PDE12: variants seen among roughly 807,000 people sequenced by gnomAD.
The protein encoded by PDE12 is 2',5'-phosphodiesterase 12.
PDE12 carries 26 observed loss-of-function variants against 45.4 expected under a neutral mutation model. The ratio of observed to expected loss-of-function variants is 0.57; its 90% CI spans 0.42 to 0.79. The LOEUF (loss-of-function observed/expected upper bound fraction) is 0.79, where lower values mean the gene tolerates loss of function less well. PDE12 is among the 30% of genes least tolerant of loss of function. The probability of loss-of-function intolerance (pLI) is 0.00; values close to 1 mark genes in which losing one functional copy is unlikely to be tolerated. For missense variants in PDE12, 668 were observed against 790.0 expected, an observed-to-expected ratio of 0.85 and a Z score of 1.85; for synonymous variants, 283 against 323.9, an observed-to-expected ratio of 0.87 and a Z score of 1.36.
the PDE12 span, among the ~76,000 whole-genome samples, chr3:57,644,937 G>A: frequency 3.3e-5 from 5 of 151,894 alleles, no homozygotes; most frequent in South Asian, 2.1e-4. Flanking sequence ...AAGTCAATCC[G>A]CAGTTGACTA....
the PDE12 span, among the ~76,000 whole-genome samples, chr3:57,635,753 T>C: frequency 6.6e-6 from 1 of 152,180 alleles, no homozygotes; most frequent in Non-Finnish European, 1.5e-5. Context: ...AAAACAGCTA[T>C]TTCTATAAAC....
At chr3:57,621,407 C>T in the PDE12 span, among the ~76,000 whole-genome samples, 6 of 152,222 alleles carry the variant, frequency 3.9e-5, no homozygotes, top group African/African-American at 1.2e-4. Context: ...CGTTGGCTAA[C>T]GCCTGTAATC....
At chr3:57,602,048 C>A in the PDE12 span, among the ~76,000 whole-genome samples, 2 of 152,070 alleles carry the variant, frequency 1.3e-5, no homozygotes, top group South Asian at 4.1e-4. Context: ...AGCCACCATG[C>A]ATGGCCTGCC....
At position 57,559,981 on chromosome 3, in the gene PDE12, G is replaced by C. The variant is rs768463857; in HGVS notation, c.1807G>C (p.Val603Leu). The C allele has an allele frequency of 8.7e-6, 14 of 1,606,310 alleles. No individual in the cohort carries two copies. Among genetic ancestry groups the C allele is most frequent in the Non-Finnish European group, 8.5e-6 (10 of 1,177,388 alleles). ...CCATCCCTCTGATCACATAGCACTT[G>C]TATGTGATTTAAAATGGAAATAGAT... is the stretch of plus-strand genomic sequence containing the variant. Reference protein sequence around the residue: ...VSHPSDHIALVCDLKWK With the variant: ...VSHPSDHIALLCDLKWK The change falls in exon 3 of 3, where the codon GTA becomes CTA. Residue 603 changes from valine (V) to leucine (L), a missense_variant. Physicochemically the swap from Val to Leu is conservative, Grantham distance 32. This residue lies in a region of PDE12 where 79 missense variants were observed against 97.9 expected (regional missense o/e 0.81). Transcript: ENST00000311180.
chr3:57,628,191 T>C, the PDE12 span: 95 of 1,608,234 alleles, frequency 5.9e-5, 1 homozygote, highest in South Asian at 7.6e-4. Context: ...TAATCCTTTT[T>C]GGCTGGAAAA....
the PDE12 span, among the ~76,000 whole-genome samples, chr3:57,650,740 A>G: frequency 6.6e-6 from 1 of 152,154 alleles, no homozygotes; most frequent in Non-Finnish European, 1.5e-5. Flanking sequence ...CCAAACCTGC[A>G]TCAAAAGGTG....
At chr3:57,649,641 AAT>A in the PDE12 span, among the ~76,000 whole-genome samples, 10,844 of 102,520 alleles carry the variant, frequency 0.11, 405 homozygotes, top group Non-Finnish European at 0.12. Flanking sequence ...AAAAAAAAAA[AAT>A]ATATATATAT....
At position 57,565,871 on chromosome 3, in the gene PDE12, A is replaced by G. The variant is rs2069782215; in HGVS notation, c.*5867A>G. Reference sequence around the variant, plus strand: ...ATAATTCTTATATCCCCTGTGGAATAGTTTGGAGAAATGGTACATCCAAAG... The same window carrying G: ...ATAATTCTTATATCCCCTGTGGAATGGTTTGGAGAAATGGTACATCCAAAG... On this transcript the variant is annotated 3_prime_UTR_variant, in exon 3 of 3. Coordinates refer to ENST00000311180, the MANE Select transcript of PDE12 (RefSeq NM_177966.7). 2 of 152,236 alleles carry G rather than the reference A, an allele frequency of 1.3e-5. No individual in the cohort carries two copies. The highest frequency in any genetic ancestry group is 2.9e-5 in the Non-Finnish European group (2 of 68,040). 9.4% of individuals were successfully genotyped at this position (152,236 alleles called of 1,614,324 possible). A position where few individuals can be genotyped will look rare whatever the true frequency, so the allele number is the denominator to read the frequency against.
In PDE12 at chr3:57,565,605, CA is replaced by C. The variant is rs1227276429; in HGVS notation, c.*5602del. On this transcript the variant is annotated 3_prime_UTR_variant, in exon 3 of 3. Transcript: ENST00000311180. ...GTGGATCATGAGGTCAGATCGAGACCATCCTGGCCAACATGGTGAAACCCTG... is the reference window on the plus strand; with the variant it reads ...GTGGATCATGAGGTCAGATCGAGACCTCCTGGCCAACATGGTGAAACCCTG... 2 of 152,158 alleles carry C rather than the reference CA, an allele frequency of 1.3e-5. No individual in the cohort carries two copies. The highest frequency in any genetic ancestry group is 4.8e-5 in the African/African-American group (2 of 41,438). 9.4% of individuals were successfully genotyped at this position (152,158 alleles called of 1,614,324 possible).
At chr3:57,655,440 T>A in the PDE12 span, among the ~76,000 whole-genome samples, 1 of 152,210 alleles carries the variant, frequency 6.6e-6, no homozygotes, top group South Asian at 2.1e-4. Context: ...GTGTTAGTGA[T>A]GGGGGTAATT....
At chr3:57,615,688 TG>T in the PDE12 span, among the ~76,000 whole-genome samples, 1 of 151,828 alleles carries the variant, frequency 6.6e-6, no homozygotes, top group South Asian at 2.1e-4. Context: ...CCTGTAATCC[TG>T]GCAACCCAGG....
chr3:57,570,674 T>G (rs1242785177), downstream of PDE12, among the ~76,000 whole-genome samples: 1 of 152,204 alleles, frequency 6.6e-6, no homozygotes, highest in Non-Finnish European at 1.5e-5. Flanking sequence ...GTTATCAAGT[T>G]GAGCCCTTAA....
the PDE12 span, among the ~76,000 whole-genome samples, chr3:57,612,464 AAG>A: frequency 5.9e-5 from 9 of 152,088 alleles, no homozygotes; most frequent in African/African-American, 1.9e-4. Flanking sequence ...AATCACTCAA[AAG>A]AGATAAAGTG....
chr3:57,577,890 C>CA, the PDE12 span, among the ~76,000 whole-genome samples: 3 of 151,516 alleles, frequency 2.0e-5, no homozygotes, highest in African/African-American at 4.9e-5. Flanking sequence ...GTCATCTCTA[C>CA]AAAAAAATAC....
At chr3:57,628,168 G>C in the PDE12 span, 1 of 1,588,662 alleles carries the variant, frequency 6.3e-7, no homozygotes, top group Admixed American at 1.8e-5. Context: ...ATGTCAGTAT[G>C]CTTCATGATG....
chr3:57,614,525 T>A, the PDE12 span, among the ~76,000 whole-genome samples: 9 of 141,492 alleles, frequency 6.4e-5, no homozygotes, highest in Non-Finnish European at 1.4e-4. Flanking sequence ...TGTAATCCGT[T>A]TTTTTTTTTT....
At chr3:57,590,014 C>A in the PDE12 span, among the ~76,000 whole-genome samples, 2 of 150,176 alleles carry the variant, frequency 1.3e-5, no homozygotes, top group African/African-American at 4.9e-5. Context: ...TTGCTTGAAC[C>A]CGGGAGGTGG....
Position 57,556,288 on chromosome 3 carries a change from A to G in PDE12, c.-92A>G. 7.6e-7 allele frequency: 1 copy of G among 1,319,452 alleles called. No individual in the cohort carries two copies. The highest frequency in any genetic ancestry group is 1.0e-6 in the Non-Finnish European group (1 of 986,196). 81.7% of individuals were successfully genotyped at this position (1,319,452 alleles called of 1,614,324 possible). On this transcript the variant is annotated 5_prime_UTR_variant, in exon 1 of 3. Coordinates refer to ENST00000311180, the MANE Select transcript of PDE12 (RefSeq NM_177966.7). This position sits in a 1 kb window ranked among gnomAD's most constrained non-coding sequence, Gnocchi z 5.0. ...AGCCGGAAGTCGCGAGATCTGAATG[A>G]GTCAAAGCCGGCGGCCTCGGCTCCT...
In PDE12 at chr3:57,562,811, G is replaced by A. The variant is rs1308613467; in HGVS notation, c.*2807G>A. 6.6e-6 allele frequency: 1 copy of A among 152,188 alleles called. No homozygotes were observed. The highest frequency in any genetic ancestry group is 1.5e-5 in the Non-Finnish European group (1 of 68,034). 9.4% of individuals were successfully genotyped at this position (152,188 alleles called of 1,614,324 possible). ...GCAAACAATCGTTTCTGGCTGTAAT[G>A]TATGTTCTTTTTGAAATTCTGTATG... On this transcript the variant is annotated 3_prime_UTR_variant, in exon 3 of 3. Coordinates refer to ENST00000311180, the MANE Select transcript of PDE12 (RefSeq NM_177966.7).
Sources: allele counts gnomAD v4.1 joint callset (sites outside exome capture counted in the v4.1 genomes callset), GRCh38; gene constraint gnomAD v4.1.1; regional missense constraint gnomAD v4.1.1; non-coding constraint Gnocchi (gnomAD v3.1); transcripts MANE v1.5; gene names NCBI Gene and HGNC (gene_info 2026-07-23, HGNC 2026-07-21).